TRIM2: variants seen among roughly 807,000 people sequenced by gnomAD.
The protein encoded by TRIM2 is tripartite motif-containing protein 2.
A neutral mutation model predicts 75.2 loss-of-function variants in TRIM2; 20 were observed. The observed-to-expected ratio is 0.27, with a 90% confidence interval of 0.19 to 0.39. The LOEUF (loss-of-function observed/expected upper bound fraction) is 0.39. Ranked by LOEUF, TRIM2 falls within the 10% of genes least tolerant of loss-of-function variation. TRIM2 has a pLI of 1.00. For synonymous variants in TRIM2, 373 were observed against 388.3 expected, an observed-to-expected ratio of 0.96 and a Z score of 0.46; for missense variants, 660 against 990.8, an observed-to-expected ratio of 0.67 and a Z score of 4.48.
chr4:153,182,310 G>C (rs1732147496), intron 1 of TRIM2, among the ~76,000 whole-genome samples: 1 of 152,146 alleles, frequency 6.6e-6, no homozygotes, highest in African/African-American at 2.4e-5. Flanking sequence ...GAAGAGACTG[G>C]GGTCCAACCA....
At chr4:153,323,109 TA>T (rs1321688441) in intron 9 of TRIM2, among the ~76,000 whole-genome samples, 18 of 152,300 alleles carry the variant, frequency 1.2e-4, no homozygotes, top group African/African-American at 4.3e-4. Flanking sequence ...AATTTTAAAA[TA>T]AAAATATTTG....
chr4:153,189,901 G>C (rs1371689499), intron 1 of TRIM2, among the ~76,000 whole-genome samples: 1 of 152,212 alleles, frequency 6.6e-6, no homozygotes, highest in African/African-American at 2.4e-5. Context: ...GTGGGGTGTA[G>C]AGAATGATGG....
chr4:153,185,147 G>T (rs1169789303), intron 1 of TRIM2, among the ~76,000 whole-genome samples: 3 of 152,162 alleles, frequency 2.0e-5, no homozygotes, highest in Admixed American at 6.5e-5. Flanking sequence ...TGTATTGAAT[G>T]AATTCCAAAA....
chr4:153,316,121 A>G (rs1767527062), intron 8 of TRIM2, 122 bp downstream of exon 8: 4 of 898,318 alleles, frequency 4.5e-6, no homozygotes, highest in East Asian at 2.9e-5. Context: ...ATACACAAAG[A>G]TATCTGACAT....
chr4:153,314,016 C>T (rs1025807388), intron 6 of TRIM2, among the ~76,000 whole-genome samples: 5 of 152,098 alleles, frequency 3.3e-5, no homozygotes, highest in Non-Finnish European at 5.9e-5. Flanking sequence ...TATCTTCCTT[C>T]CTGGTCATTT....
At chr4:153,225,442 A>C (rs1741855302) in intron 1 of TRIM2, among the ~76,000 whole-genome samples, 1 of 152,198 alleles carries the variant, frequency 6.6e-6, no homozygotes, top group Non-Finnish European at 1.5e-5. Flanking sequence ...GTTATCTTAA[A>C]AGGCTTGAGG....
Position 153,294,343 on chromosome 4 carries a change from A to G in TRIM2, c.644A>G (p.Glu215Gly), listed in dbSNP as rs373450943. 6 of 1,614,098 alleles carry G rather than the reference A, an allele frequency of 3.7e-6. No individual in the cohort carries two copies. Among genetic ancestry groups the G allele is most frequent in the Non-Finnish European group, 5.1e-6 (6 of 1,180,048 alleles). The change falls in exon 5 of 12, where the codon GAA becomes GGA. Residue 215 changes from glutamate to glycine, a missense_variant. By Grantham distance (98) the Glu-to-Gly change is moderately conservative. Transcript: ENST00000338700. Reference sequence around the variant, plus strand: ...GATTCTGCTCTTCAGTTCATCTCTGAAATCATTCATCAGTTAACCAACCAA... The same window carrying G: ...GATTCTGCTCTTCAGTTCATCTCTGGAATCATTCATCAGTTAACCAACCAA... ...EIDSALQFIS[E>G]IIHQLTNQKA...
intron 1 of TRIM2, among the ~76,000 whole-genome samples, chr4:153,224,281 A>G (rs1451361825): frequency 1.3e-5 from 2 of 152,204 alleles, no homozygotes; most frequent in African/African-American, 2.4e-5. Context: ...TTAGGTTCAT[A>G]TAACAATGAA....
intron 1 of TRIM2, among the ~76,000 whole-genome samples, chr4:153,179,887 A>G (rs536624643): frequency 7.1e-4 from 108 of 152,198 alleles, no homozygotes; most frequent in Non-Finnish European, 1.2e-3. Context: ...TGTGTTGAAG[A>G]TGCCCCTCCA....
upstream of TRIM2, chr4:153,153,039 C>T (rs1728868513): frequency 6.6e-6 from 1 of 152,280 alleles, no homozygotes; most frequent in Non-Finnish European, 1.5e-5. Flanking sequence ...CGCCTGTCAT[C>T]TTTGTGGCTC....
At position 153,295,933 on chromosome 4, in the gene TRIM2, G is replaced by C; in HGVS notation, c.1407G>C (p.Gly469=). 6.3e-7 allele frequency: 1 copy of C among 1,597,922 alleles called. No homozygotes were observed. Among genetic ancestry groups the C allele is most frequent in the Non-Finnish European group, 8.5e-7 (1 of 1,172,552 alleles). The change falls in exon 6 of 12, where the codon GGG becomes GGC. Residue 469 remains glycine (G), a synonymous_variant. Coordinates refer to ENST00000338700, the MANE Select transcript of TRIM2 (RefSeq NM_015271.5). This position sits in a 1 kb window ranked among gnomAD's most constrained non-coding sequence, Gnocchi z 7.2. ...TGAAGAGGCGCGTTAAGTCCCCGGG[G>C]AGCGGCCACGTCAAGCAGAAAGCTG... The part of the protein sequence containing the change: ...EGVKRRVKSP[G]SGHVKQKAVK...
At chr4:153,284,629 T>C (rs1005256843) in intron 3 of TRIM2, among the ~76,000 whole-genome samples, 1 of 152,210 alleles carries the variant, frequency 6.6e-6, no homozygotes, top group African/African-American at 2.4e-5. Flanking sequence ...ATCCTGACTT[T>C]TGATTCTAGT....
chr4:153,326,433 T>A (rs552039369), intron 10 of TRIM2, among the ~76,000 whole-genome samples: 1 of 152,332 alleles, frequency 6.6e-6, no homozygotes, highest in South Asian at 2.1e-4. Context: ...ATACTTGGGT[T>A]TTTCTTCCCC....
upstream of TRIM2, among the ~76,000 whole-genome samples, chr4:153,201,183 C>T (rs1016582237): frequency 1.2e-4 from 18 of 152,224 alleles, no homozygotes; most frequent in African/African-American, 2.9e-4. Flanking sequence ...AGACTGGTCT[C>T]GAACTTTTGA....
chr4:153,270,572 A>T (rs934147510), intron 2 of TRIM2, 53 bp downstream of exon 2: 17 of 1,453,988 alleles, frequency 1.2e-5, no homozygotes, highest in Non-Finnish European at 1.4e-5. Context: ...ACCTCCTACA[A>T]CCTACTGCAG....
intron 1 of TRIM2, among the ~76,000 whole-genome samples, chr4:153,212,083 T>C (rs1387033266): frequency 6.6e-6 from 1 of 152,168 alleles, no homozygotes; most frequent in Non-Finnish European, 1.5e-5. Flanking sequence ...CAGAATGGCC[T>C]CTCTGCAGGC....
At chr4:153,153,687 C>A (rs557936932) in intron 1 of TRIM2, among the ~76,000 whole-genome samples, 1 of 152,292 alleles carries the variant, frequency 6.6e-6, no homozygotes, top group African/African-American at 2.4e-5. Context: ...CCCGTGGGGA[C>A]CTTTGTGCGC....
At chr4:153,315,340 G>T in intron 6 of TRIM2, 145 bp from the exon 7 acceptor site, 1 of 589,114 alleles carries the variant, frequency 1.7e-6, no homozygotes. Flanking sequence ...TTAGGTTATT[G>T]GGGAGGGAGG....
At chr4:153,298,682 T>G (rs936988281) in intron 6 of TRIM2, among the ~76,000 whole-genome samples, 2 of 152,194 alleles carry the variant, frequency 1.3e-5, no homozygotes, top group African/African-American at 2.4e-5. Flanking sequence ...AATTTTTTTA[T>G]AGAGAACACT....
Sources: gnomAD v4.1 joint callset for allele counts (sites outside exome capture counted in the v4.1 genomes callset) on GRCh38, gnomAD v4.1.1 for gene constraint, Gnocchi (gnomAD v3.1) non-coding constraint, MANE v1.5 for transcripts, NCBI Gene and HGNC (gene_info 2026-07-23, HGNC 2026-07-21) for gene names.